SMAP1: variants seen among roughly 807,000 people sequenced by gnomAD.
SMAP1 encodes the protein small ArfGAP 1.
SMAP1 carries 24 observed loss-of-function variants against 58.5 expected under a neutral mutation model. The observed-to-expected ratio is 0.41, with a 90% CI of 0.30 to 0.58. The LOEUF is 0.58. Ranked by LOEUF, SMAP1 falls within the 20% of genes least tolerant of loss-of-function variation. SMAP1 has a pLI of 0.29. For synonymous variants in SMAP1, 216 were observed against 196.6 expected (o/e 1.10, Z -0.82); for missense variants, 563 against 566.3 (o/e 0.99, Z 0.06).
intron 1 of SMAP1, among the ~76,000 whole-genome samples, chr6:70,686,895 A>C (rs1766957973): frequency 2.0e-5 from 3 of 152,212 alleles, no homozygotes; most frequent in Admixed American, 1.3e-4. Context: ...GTTCTGCACA[A>C]TGAATTATTC....
intron 1 of SMAP1, among the ~76,000 whole-genome samples, chr6:70,684,211 G>C (rs141803289): frequency 6.6e-6 from 1 of 152,158 alleles, no homozygotes; most frequent in Non-Finnish European, 1.5e-5. Flanking sequence ...GTGTTAACTA[G>C]GAACAAATGG....
intron 2 of SMAP1, among the ~76,000 whole-genome samples, chr6:70,750,571 T>TTAGA (rs759338116): frequency 3.3e-5 from 5 of 152,180 alleles, no homozygotes; most frequent in Non-Finnish European, 7.4e-5. Context: ...TTCATATACA[T>TTAGA]TAGATTGCAG....
chr6:70,673,690 A>G (rs1000313590), intron 1 of SMAP1, among the ~76,000 whole-genome samples: 3 of 152,262 alleles, frequency 2.0e-5, no homozygotes, highest in Non-Finnish European at 4.4e-5. Flanking sequence ...GAAATTTGCC[A>G]ATCTAAAAGT....
At chr6:70,742,617 C>G (rs1765863050) in intron 2 of SMAP1, among the ~76,000 whole-genome samples, 1 of 152,210 alleles carries the variant, frequency 6.6e-6, no homozygotes, top group Non-Finnish European at 1.5e-5. Context: ...CAGCCTCTGC[C>G]TGTTCCCCAG....
intron 6 of SMAP1, among the ~76,000 whole-genome samples, chr6:70,830,051 G>A (rs138015818): frequency 6.6e-6 from 1 of 152,282 alleles, no homozygotes; most frequent in East Asian, 1.9e-4. Flanking sequence ...CGAGACATCT[G>A]CTCAATGTGA....
intron 6 of SMAP1, among the ~76,000 whole-genome samples, chr6:70,803,184 G>A (rs1582219488): frequency 6.6e-6 from 1 of 152,166 alleles, no homozygotes; most frequent in African/African-American, 2.4e-5. Flanking sequence ...TTCAGAGTCT[G>A]TTATTGGTCT....
chr6:70,736,587 T>G (rs1309252442), intron 2 of SMAP1, among the ~76,000 whole-genome samples: 2 of 152,226 alleles, frequency 1.3e-5, no homozygotes, highest in African/African-American at 2.4e-5. Flanking sequence ...TTTGTAAATA[T>G]TAAGATTAGT....
At chr6:70,745,070 T>TTAGCCC (rs1765972075) in intron 2 of SMAP1, among the ~76,000 whole-genome samples, 1 of 152,248 alleles carries the variant, frequency 6.6e-6, no homozygotes, top group Non-Finnish European at 1.5e-5. Context: ...ATTCTGGATA[T>TTAGCCC]TAGCCCTTTG....
At chr6:70,739,093 A>G (rs1487576186) in intron 2 of SMAP1, among the ~76,000 whole-genome samples, 3 of 152,196 alleles carry the variant, frequency 2.0e-5, no homozygotes, top group African/African-American at 7.2e-5. Context: ...TAGGCAGTCA[A>G]AATTTAAATT....
intron 1 of SMAP1, among the ~76,000 whole-genome samples, chr6:70,692,525 T>A (rs901059472): frequency 2.0e-5 from 3 of 152,202 alleles, no homozygotes; most frequent in Non-Finnish European, 4.4e-5. Context: ...GTGTCCCCAA[T>A]GTTTTAGTAG....
At chr6:70,703,258 G>A (rs1396131923) in intron 1 of SMAP1, among the ~76,000 whole-genome samples, 2 of 151,946 alleles carry the variant, frequency 1.3e-5, no homozygotes, top group Non-Finnish European at 2.9e-5. Context: ...TGTATTTTTA[G>A]TAGAGACAGG....
chr6:70,777,835 C>G (rs1276260702), intron 4 of SMAP1, among the ~76,000 whole-genome samples: 3 of 151,962 alleles, frequency 2.0e-5, no homozygotes, highest in Non-Finnish European at 2.9e-5. Flanking sequence ...TCCCTGCAAC[C>G]TCCGCCTCCT....
intron 8 of SMAP1, among the ~76,000 whole-genome samples, chr6:70,854,481 G>A (rs1771316334): frequency 6.6e-6 from 1 of 152,068 alleles, no homozygotes; most frequent in Non-Finnish European, 1.5e-5. Flanking sequence ...AATTAGCTGG[G>A]CGTGGTGGCG....
chr6:70,668,199 C>A, intron 1 of SMAP1, 58 bp downstream of exon 1: 1 of 1,473,162 alleles, frequency 6.8e-7, no homozygotes, highest in East Asian at 2.5e-5. Flanking sequence ...GTGACCTTCC[C>A]GCCGCTGCGG....
intron 1 of SMAP1, among the ~76,000 whole-genome samples, chr6:70,684,763 T>C (rs1038290926): frequency 5.9e-5 from 9 of 152,234 alleles, no homozygotes; most frequent in Admixed American, 2.0e-4. Flanking sequence ...AAAGTAGTTA[T>C]ATGGTAATAT....
At chr6:70,713,023 C>A (rs576396238) in intron 1 of SMAP1, among the ~76,000 whole-genome samples, 48 of 152,070 alleles carry the variant, frequency 3.2e-4, no homozygotes, top group South Asian at 6.2e-4. Context: ...GAACTCCTGA[C>A]CTCAAATGAT....
intron 6 of SMAP1, among the ~76,000 whole-genome samples, chr6:70,822,952 T>A (rs1769953445): frequency 6.6e-6 from 1 of 152,172 alleles, no homozygotes; most frequent in South Asian, 2.1e-4. Flanking sequence ...AAAAGCGTTC[T>A]TCAATTCTGA....
At chr6:70,839,133 C>G (rs142960816) in intron 7 of SMAP1, among the ~76,000 whole-genome samples, 41 of 152,210 alleles carry the variant, frequency 2.7e-4, no homozygotes, top group African/African-American at 9.9e-4. Flanking sequence ...GTTTCAACAG[C>G]TTACAACATT....
In SMAP1 at chr6:70,774,553, T is replaced by C. The variant is rs549286861; in HGVS notation, c.414+1128T>C. ...AAAGTTAGGATATTTTAATATGCTA[T>C]CTTTGGCCATAAAAAAATCTTGTTA... On this transcript the variant is annotated intron_variant, in intron 4 of 10. Transcript: ENST00000370455. Among the ~76,000 whole-genome samples the C allele has an allele frequency of 7.2e-5, 11 of 152,220 alleles. No homozygotes were observed. In the South Asian group the frequency reaches 2.1e-3, roughly 29 times the overall value.
Sources: gnomAD v4.1 joint callset for allele counts (sites outside exome capture counted in the v4.1 genomes callset) on GRCh38, gnomAD v4.1.1 for gene constraint, MANE v1.5 for transcripts, NCBI Gene and HGNC (gene_info 2026-07-23, HGNC 2026-07-21) for gene names.